RFX4: variants seen among roughly 807,000 people sequenced by gnomAD.
RFX4 encodes the protein transcription factor RFX4.
Under a neutral mutation model 95.0 loss-of-function variants are expected in RFX4, and 10 were observed. The observed-to-expected ratio is 0.11, with a 90% CI of 0.06 to 0.18. RFX4 has a LOEUF of 0.18. Ranked by LOEUF, RFX4 falls within the 10% of genes least tolerant of loss-of-function variation. The probability of loss-of-function intolerance (pLI) is 1.00; values close to 1 mark genes in which losing one functional copy is unlikely to be tolerated. For synonymous variants in RFX4, 321 were observed against 340.7 expected (o/e 0.94, Z 0.64); for missense variants, 640 against 922.0 (o/e 0.69, Z 3.96).
At chr12:106,632,327 G>A (rs1685732451) in intron 2 of RFX4, among the ~76,000 whole-genome samples, 1 of 152,196 alleles carries the variant, frequency 6.6e-6, no homozygotes. Flanking sequence ...GCCTTGGCAG[G>A]ACCATCAGCG....
At chr12:106,651,191 A>G (rs901187280) in intron 3 of RFX4, among the ~76,000 whole-genome samples, 1 of 152,040 alleles carries the variant, frequency 6.6e-6, no homozygotes, top group African/African-American at 2.4e-5. Context: ...ACTGTCTCCC[A>G]TCCTTGCTGT....
chr12:106,661,131 C>A (rs1411411035), intron 4 of RFX4, among the ~76,000 whole-genome samples: 1 of 152,188 alleles, frequency 6.6e-6, no homozygotes, highest in Non-Finnish European at 1.5e-5. Flanking sequence ...CCCTTACTCA[C>A]CATGTGATGA....
intron 3 of RFX4, among the ~76,000 whole-genome samples, chr12:106,652,602 C>T (rs2040875253): frequency 6.6e-6 from 1 of 152,172 alleles, no homozygotes; most frequent in South Asian, 2.1e-4. Flanking sequence ...CAATGTTCCC[C>T]ATCCCAGAAG....
intron 13 of RFX4, among the ~76,000 whole-genome samples, chr12:106,721,707 T>C (rs1447760049): frequency 2.6e-5 from 4 of 152,206 alleles, no homozygotes; most frequent in Non-Finnish European, 5.9e-5. Flanking sequence ...GGGGCATTGG[T>C]AAATTTTCTG....
chr12:106,673,635 G>A (rs982179263), intron 4 of RFX4, among the ~76,000 whole-genome samples: 2 of 152,134 alleles, frequency 1.3e-5, no homozygotes, highest in Non-Finnish European at 2.9e-5. Context: ...TCTCCCCTTG[G>A]ATAAAGCAGC....
chr12:106,603,180 C>T (rs2039747936), intron 1 of RFX4, among the ~76,000 whole-genome samples: 4 of 152,168 alleles, frequency 2.6e-5, no homozygotes, highest in South Asian at 4.1e-4. Context: ...TCTTGATAAC[C>T]GTCTTAATAG....
At chr12:106,600,411 C>T (rs1469666782) in intron 1 of RFX4, among the ~76,000 whole-genome samples, 1 of 151,956 alleles carries the variant, frequency 6.6e-6, no homozygotes, top group Non-Finnish European at 1.5e-5. Flanking sequence ...GCGTGGCACT[C>T]TTGGTAATTG....
In RFX4 at chr12:106,698,319, T is replaced by C. The variant is rs938335000; in HGVS notation, c.833+1873T>C. On this transcript the variant is annotated intron_variant, in intron 8 of 17. Coordinates refer to ENST00000392842, the MANE Select transcript of RFX4 (RefSeq NM_213594.3). The stretch of plus-strand genomic sequence containing the variant: ...TGAGGTCTTGTTCTGTTGCCTGGGC[T>C]GGAGTGCAGTGGTGCAATCATTGAT... Among the ~76,000 whole-genome samples, 2 of 152,032 alleles carry C rather than the reference T, an allele frequency of 1.3e-5. 1 individual carries two copies. The highest frequency in any genetic ancestry group is 4.8e-5 in the African/African-American group (2 of 41,388).
chr12:106,614,139 G>T (rs2040018839), intron 2 of RFX4, among the ~76,000 whole-genome samples: 1 of 151,382 alleles, frequency 6.6e-6, no homozygotes, highest in East Asian at 1.9e-4. Context: ...TTAGACATTT[G>T]TATCTTTTGT....
intron 4 of RFX4, chr12:106,680,710 T>G (rs1010807300): frequency 6.6e-6 from 1 of 152,200 alleles, no homozygotes; most frequent in Non-Finnish European, 1.5e-5. Context: ...GGAGTCTTGG[T>G]TACACTCAAA....
In RFX4 at chr12:106,629,211, A is replaced by C. The variant is rs373209838; in HGVS notation, c.131-10121A>C. ...TTTTTGGTTTTCATCTTTAAAAAAA[A>C]ATACTTGCATAGTATCCCATTGTGA... is the stretch of plus-strand genomic sequence containing the variant. On this transcript the variant is annotated intron_variant, in intron 2 of 17. Transcript: ENST00000392842. 2.0e-4 allele frequency among the ~76,000 whole-genome samples: 30 copies of C among 152,338 alleles called. No homozygotes were observed. In the South Asian group the frequency reaches 6.2e-3, roughly 32 times the overall value.
chr12:106,635,035 A>G (rs543586158), intron 2 of RFX4, among the ~76,000 whole-genome samples: 3 of 152,364 alleles, frequency 2.0e-5, no homozygotes, highest in South Asian at 2.1e-4. Context: ...TAGGATTCTT[A>G]TAATTGCCAT....
chr12:106,719,007 A>T (rs1283421863), intron 11 of RFX4, among the ~76,000 whole-genome samples: 4 of 151,798 alleles, frequency 2.6e-5, no homozygotes. Context: ...CTGTAGTCCC[A>T]GCTACTCGGG....
chr12:106,673,556 C>T (rs2041330811), intron 4 of RFX4, among the ~76,000 whole-genome samples: 1 of 152,190 alleles, frequency 6.6e-6, no homozygotes, highest in South Asian at 2.1e-4. Context: ...TTCAATTTAG[C>T]ACATTTTTAT....
intron 2 of RFX4, among the ~76,000 whole-genome samples, chr12:106,610,578 G>T (rs1227862836): frequency 6.6e-6 from 1 of 152,174 alleles, no homozygotes; most frequent in Non-Finnish European, 1.5e-5. Flanking sequence ...GTCTTTTTAT[G>T]ACTGGCATAT....
chr12:106,751,545 T>A (rs1228607479), intron 17 of RFX4, among the ~76,000 whole-genome samples: 2 of 148,880 alleles, frequency 1.3e-5, no homozygotes, highest in Non-Finnish European at 3.0e-5. Context: ...TAGTTTACAG[T>A]CCCACCAACA....
At chr12:106,601,008 C>A in intron 1 of RFX4, 1 of 608,376 alleles carries the variant, frequency 1.6e-6, no homozygotes, top group Non-Finnish European at 2.4e-6. Context: ...ATGTTGATCA[C>A]TAGCTGCTCA....
chr12:106,605,520 T>C (rs919963617), intron 1 of RFX4, among the ~76,000 whole-genome samples: 1 of 152,178 alleles, frequency 6.6e-6, no homozygotes, highest in Non-Finnish European at 1.5e-5. Context: ...GACCCTTGAA[T>C]GCATGAGAAC....
intron 13 of RFX4, among the ~76,000 whole-genome samples, 190 bp downstream of exon 13, chr12:106,721,066 T>G (rs1235066034): frequency 6.6e-6 from 1 of 152,186 alleles, no homozygotes; most frequent in East Asian, 1.9e-4. Context: ...AGGTGGAGTA[T>G]CAATCTGAAA....
Sources: allele counts gnomAD v4.1 joint callset (sites outside exome capture counted in the v4.1 genomes callset), GRCh38; gene constraint gnomAD v4.1.1; transcripts MANE v1.5; gene names NCBI Gene and HGNC (gene_info 2026-07-23, HGNC 2026-07-21).